LRRC9: variants seen among roughly 807,000 people sequenced by gnomAD.
LRRC9 encodes leucine-rich repeat-containing protein 9.
Under a neutral mutation model 63.2 loss-of-function variants are expected in LRRC9, and 122 were observed. That is an observed-to-expected ratio of 1.93 (90% CI 1.67 to 2.24). LRRC9 has a LOEUF of 2.24. LRRC9 is among the 30% of genes most tolerant of loss of function. The pLI is 0.00. For missense variants in LRRC9, 1,071 were observed against 627.7 expected (o/e 1.71, Z -7.55); for synonymous variants, 366 against 213.1 (o/e 1.72, Z -6.25).
chr14:60,033,853 C>A (rs929111386), intron 29 of LRRC9, among the ~76,000 whole-genome samples: 5 of 151,974 alleles, frequency 3.3e-5, no homozygotes, highest in Non-Finnish European at 7.4e-5. Context: ...GATAATTAAA[C>A]CTTATCTCTA....
chr14:59,984,228 T>A (rs1887225092), intron 16 of LRRC9, among the ~76,000 whole-genome samples: 1 of 152,252 alleles, frequency 6.6e-6, no homozygotes, highest in Admixed American at 6.5e-5. Context: ...CTAGTCTGCA[T>A]AAATTGGCCC....
In LRRC9 at chr14:59,962,965, AC is replaced by A. The variant is rs1884491528; in HGVS notation, c.1211+1921del. On this transcript the variant is annotated intron_variant, in intron 10 of 31. Coordinates refer to ENST00000445360, the Ensembl canonical transcript of LRRC9. The surrounding 1 kb of genome is among the most constrained non-coding windows in gnomAD (Gnocchi z 5.1). Reference sequence around the variant, plus strand: ...AATATATGTTAGCAGAATTTAAAGTACTGTTTTTTAGTTTTAGCATACTGCA... The same window carrying A: ...AATATATGTTAGCAGAATTTAAAGTATGTTTTTTAGTTTTAGCATACTGCA... 6.6e-6 allele frequency among the ~76,000 whole-genome samples: 1 copy of A among 152,194 alleles called. No individual in the cohort carries two copies. Among genetic ancestry groups the A allele is most frequent in the South Asian group, 2.1e-4 (1 of 4,836 alleles).
chr14:60,036,940 G>A (rs796453096), intron 29 of LRRC9, among the ~76,000 whole-genome samples: 1 of 151,990 alleles, frequency 6.6e-6, no homozygotes, highest in Non-Finnish European at 1.5e-5. Flanking sequence ...GACAGGCCCT[G>A]GTGTGGGATG....
At chr14:59,971,963 T>A (rs944677208) in intron 12 of LRRC9, among the ~76,000 whole-genome samples, 1 of 152,172 alleles carries the variant, frequency 6.6e-6, no homozygotes, top group Non-Finnish European at 1.5e-5. Flanking sequence ...GTGTCCATGA[T>A]GAGAAACTTT....
At position 59,922,026 on chromosome 14, in the gene LRRC9, G is replaced by A. The variant is rs1202470244; in HGVS notation, c.-34+2143G>A. ...TTGAACCTGGGAGGCAGAGGTTGGA[G>A]TGAGCCCAGATTGTGCCACTGCAGT... On this transcript the variant is annotated intron_variant, in intron 1 of 31. Coordinates refer to ENST00000445360, the Ensembl canonical transcript of LRRC9. This position sits in a 1 kb window ranked among gnomAD's most constrained non-coding sequence, Gnocchi z 5.3. Among the ~76,000 whole-genome samples, 2 of 151,900 alleles carry A rather than the reference G, an allele frequency of 1.3e-5. No individual in the cohort carries two copies. The highest frequency in any genetic ancestry group is 2.4e-5 in the African/African-American group (1 of 41,366).
At chr14:59,975,345 T>C (rs1378997482) in intron 13 of LRRC9, among the ~76,000 whole-genome samples, 2 of 151,616 alleles carry the variant, frequency 1.3e-5, no homozygotes, top group Non-Finnish European at 2.9e-5. Context: ...TAAAATCAGC[T>C]AAAGACAAAT....
At chr14:59,953,987 T>G (rs1052760453) in intron 8 of LRRC9, among the ~76,000 whole-genome samples, 1 of 152,200 alleles carries the variant, frequency 6.6e-6, no homozygotes, top group African/African-American at 2.4e-5. Context: ...GTGGTGCTAT[T>G]TCTGAGGTCT....
intron 8 of LRRC9, among the ~76,000 whole-genome samples, chr14:59,953,583 G>A (rs1883402577): frequency 6.6e-6 from 1 of 152,090 alleles, no homozygotes; most frequent in Non-Finnish European, 1.5e-5. Context: ...TGGGTATCTT[G>A]CAAAAATTTT....
intron 6 of LRRC9, among the ~76,000 whole-genome samples, chr14:59,933,214 C>T (rs1423414837): frequency 6.6e-6 from 1 of 152,184 alleles, no homozygotes; most frequent in Non-Finnish European, 1.5e-5. Context: ...GTCACAACCT[C>T]CCCAACCTGC....
chr14:60,007,994 T>TGATA (rs1182900356), intron 22 of LRRC9, 98 bp from the exon 23 acceptor site: 9 of 468,844 alleles, frequency 1.9e-5, no homozygotes, highest in African/African-American at 1.7e-4. Flanking sequence ...TCCCATGGAA[T>TGATA]GATAGATAAT....
chr14:60,037,863 T>C (rs1450221755), intron 29 of LRRC9, among the ~76,000 whole-genome samples: 1 of 152,196 alleles, frequency 6.6e-6, no homozygotes, highest in African/African-American at 2.4e-5. Flanking sequence ...CTGAATGGTA[T>C]TGTCTAGGTT....
In LRRC9 at chr14:59,923,017, G is replaced by C. The variant is rs1366573087; in HGVS notation, c.-34+3134G>C. Among the ~76,000 whole-genome samples, 1 of 152,162 alleles carries C rather than the reference G, an allele frequency of 6.6e-6. No individual in the cohort carries two copies. Among genetic ancestry groups the C allele is most frequent in the Non-Finnish European group, 1.5e-5 (1 of 68,020 alleles). ...CCTGGTGGCTTCTGGTTTTGTGGGG[G>C]AACTAGAGATGACCTTTAGCCTCTT... On this transcript the variant is annotated intron_variant, in intron 1 of 31. Transcript: ENST00000445360. The surrounding 1 kb of genome is among the most constrained non-coding windows in gnomAD (Gnocchi z 4.2).
chr14:59,988,025 G>A (rs938502254), intron 17 of LRRC9, among the ~76,000 whole-genome samples: 2 of 152,162 alleles, frequency 1.3e-5, no homozygotes, highest in African/African-American at 2.4e-5. Flanking sequence ...TCAATCCATT[G>A]TAATTTTTAT....
chr14:60,043,756 CTTTTTTTTT>C (rs368065898), intron 29 of LRRC9, among the ~76,000 whole-genome samples: 4 of 71,556 alleles, frequency 5.6e-5, no homozygotes, highest in Non-Finnish European at 8.5e-5. Context: ...TTTTCTTTTC[CTTTTTTTTT>C]TTTTTTTTTT....
chr14:60,026,589 T>C (rs953958405), intron 27 of LRRC9, among the ~76,000 whole-genome samples: 1 of 152,104 alleles, frequency 6.6e-6, no homozygotes, highest in Non-Finnish European at 1.5e-5. Flanking sequence ...TGCAGTCCCA[T>C]TTGTCCATTT....
chr14:60,020,448 A>T (rs1198760720), intron 26 of LRRC9, among the ~76,000 whole-genome samples: 2 of 151,838 alleles, frequency 1.3e-5, no homozygotes, highest in African/African-American at 4.8e-5. Flanking sequence ...TTTGGATCCT[A>T]TTCATATTTG....
intron 31 of LRRC9, 111 bp from the exon 32 acceptor site, chr14:60,061,900 C>T: frequency 2.5e-6 from 1 of 395,412 alleles, no homozygotes; most frequent in Non-Finnish European, 4.4e-6. Context: ...ACATGTATTG[C>T]ATACATTCCG....
rs1354389571 is a variant in LRRC9 at position 60,004,342 on chromosome 14, T to C, written c.2842+544T>C. Reference sequence around the variant, plus strand: ...ATAAAATTGAGGTTATATTTGGAAATTTGAATACTTTAACAAGAAATGAAA... The same window carrying C: ...ATAAAATTGAGGTTATATTTGGAAACTTGAATACTTTAACAAGAAATGAAA... On this transcript the variant is annotated intron_variant, in intron 21 of 31. Coordinates refer to ENST00000445360, the Ensembl canonical transcript of LRRC9. This position sits in a 1 kb window ranked among gnomAD's most constrained non-coding sequence, Gnocchi z 4.8. Among the ~76,000 whole-genome samples, 2 of 152,100 alleles carry C rather than the reference T, an allele frequency of 1.3e-5. No individual in the cohort carries two copies. The highest frequency in any genetic ancestry group is 4.8e-5 in the African/African-American group (2 of 41,444).
At chr14:59,959,928 T>A (rs993580507) in exon 9 of LRRC9, 1 of 701,120 alleles carries the variant, frequency 1.4e-6, no homozygotes, top group African/African-American at 1.7e-5. Context: ...AAACTGTCAC[T>A]GAAGAACCAA....
Sources: allele counts gnomAD v4.1 joint callset (sites outside exome capture counted in the v4.1 genomes callset), GRCh38; gene constraint gnomAD v4.1.1; non-coding constraint Gnocchi (gnomAD v3.1); transcripts MANE v1.5; gene names NCBI Gene and HGNC (gene_info 2026-07-23, HGNC 2026-07-21).